BNC2: variants seen among roughly 807,000 people sequenced by gnomAD.
BNC2 encodes the protein basonuclin zinc finger protein 2, also known as zinc finger protein basonuclin-2.
A neutral mutation model predicts 76.3 loss-of-function variants in BNC2; 20 were observed. The observed-to-expected ratio is 0.26, with a 90% CI of 0.18 to 0.38. BNC2 has a LOEUF of 0.38. Ranked by LOEUF, BNC2 falls within the 10% of genes least tolerant of loss-of-function variation. The pLI, the probability that BNC2 is intolerant of heterozygous loss-of-function variation, is 1.00. For missense variants in BNC2, 1,382 were observed against 1,399.8 expected (o/e 0.99, Z 0.20); for synonymous variants, 582 against 514.8 (o/e 1.13, Z -1.77).
At chr9:16,728,720 A>C (rs533671207) in intron 2 of BNC2, among the ~76,000 whole-genome samples, 2 of 152,006 alleles carry the variant, frequency 1.3e-5, no homozygotes, top group Non-Finnish European at 2.9e-5. Context: ...TCTAAAGAGT[A>C]AGCAAATAAG....
chr9:16,821,474 T>C (rs1029862267), intron 1 of BNC2, among the ~76,000 whole-genome samples: 4 of 152,118 alleles, frequency 2.6e-5, no homozygotes, highest in Admixed American at 1.3e-4. Flanking sequence ...CCAGAAGCTA[T>C]TGGCTTCTTG....
intron 3 of BNC2, among the ~76,000 whole-genome samples, chr9:16,700,275 A>G (rs1008478982): frequency 1.3e-5 from 2 of 152,168 alleles, no homozygotes; most frequent in African/African-American, 4.8e-5. Flanking sequence ...GAGGCCAAAC[A>G]TGGTTGCTCA....
At chr9:16,709,250 G>A (rs1823765104) in intron 3 of BNC2, among the ~76,000 whole-genome samples, 1 of 152,174 alleles carries the variant, frequency 6.6e-6, no homozygotes, top group South Asian at 2.1e-4. Context: ...CAAAGAAAAG[G>A]CTTTCTCGGC....
chr9:16,774,853 C>G (rs1825920841), intron 1 of BNC2, among the ~76,000 whole-genome samples: 1 of 152,192 alleles, frequency 6.6e-6, no homozygotes, highest in Admixed American at 6.5e-5. Context: ...ATCTGCTGGC[C>G]TATCCCACAA....
At chr9:16,774,272 C>T (rs908078336) in intron 1 of BNC2, among the ~76,000 whole-genome samples, 1 of 152,182 alleles carries the variant, frequency 6.6e-6, no homozygotes, top group South Asian at 2.1e-4. Flanking sequence ...CGTGAGCCAC[C>T]GTGTCCGGCC....
intron 1 of BNC2, among the ~76,000 whole-genome samples, chr9:16,752,243 A>G (rs1825240293): frequency 6.6e-6 from 1 of 152,222 alleles, no homozygotes; most frequent in Admixed American, 6.5e-5. Context: ...GTGCTTGAAC[A>G]TAATAAACAA....
chr9:16,529,076 T>C (rs541216416), intron 5 of BNC2, among the ~76,000 whole-genome samples: 5 of 152,328 alleles, frequency 3.3e-5, no homozygotes, highest in Admixed American at 3.3e-4. Flanking sequence ...GCATATGTCT[T>C]CTGCTCTGTA....
At chr9:16,763,522 T>TTC (rs1487724053) in intron 1 of BNC2, among the ~76,000 whole-genome samples, 1 of 151,920 alleles carries the variant, frequency 6.6e-6, no homozygotes, top group African/African-American at 2.4e-5. Context: ...GTGAGCTGTG[T>TTC]TCACACCACT....
intron 1 of BNC2, chr9:16,868,047 C>T (rs1819585514): frequency 6.6e-6 from 1 of 152,186 alleles, no homozygotes; most frequent in African/African-American, 2.4e-5. Context: ...TAGCAGGGGA[C>T]TGCGGCTGCA....
chr9:16,579,909 T>G (rs1819584881), intron 4 of BNC2: 4 of 392,380 alleles, frequency 1.0e-5, no homozygotes, highest in Admixed American at 4.4e-5. Context: ...TATTAAAAAT[T>G]TTTTTATTGA....
chr9:16,708,307 T>G (rs1001475152), intron 3 of BNC2, among the ~76,000 whole-genome samples: 1 of 152,246 alleles, frequency 6.6e-6, no homozygotes, highest in African/African-American at 2.4e-5. Flanking sequence ...TAAGCTACGT[T>G]TTAATTTCTA....
chr9:16,425,723 A>C (rs1206549535), intron 6 of BNC2, among the ~76,000 whole-genome samples: 1 of 152,180 alleles, frequency 6.6e-6, no homozygotes, highest in African/African-American at 2.4e-5. Flanking sequence ...CGTTAGTGAG[A>C]ATTATTGGTT....
At chr9:16,468,101 C>T (rs1464034953) in intron 5 of BNC2, among the ~76,000 whole-genome samples, 3 of 145,512 alleles carry the variant, frequency 2.1e-5, no homozygotes, top group South Asian at 2.2e-4. Flanking sequence ...AGTGCAGTGG[C>T]ACCAACATGG....
chr9:16,735,407 A>AC (rs200275739), intron 2 of BNC2, among the ~76,000 whole-genome samples: 6 of 128,184 alleles, frequency 4.7e-5, no homozygotes, highest in Non-Finnish European at 4.6e-5. Context: ...AAAAAAAAAA[A>AC]AAAAAAAAAA....
At chr9:16,821,125 C>G (rs562769712) in intron 1 of BNC2, among the ~76,000 whole-genome samples, 3 of 151,376 alleles carry the variant, frequency 2.0e-5, no homozygotes, top group Non-Finnish European at 4.4e-5. Flanking sequence ...CCCAGCTACT[C>G]GGGAGGCTGA....
chr9:16,471,070 A>T (rs1436965411), intron 5 of BNC2, among the ~76,000 whole-genome samples: 2 of 152,182 alleles, frequency 1.3e-5, no homozygotes, highest in Non-Finnish European at 1.5e-5. Flanking sequence ...GAGCTGCCCA[A>T]GACCATGGGA....
intron 1 of BNC2, among the ~76,000 whole-genome samples, chr9:16,777,466 C>G (rs560248671): frequency 6.6e-6 from 1 of 152,010 alleles, no homozygotes; most frequent in South Asian, 2.1e-4. Context: ...TTTAGGAGGC[C>G]GAGGCAGGCA....
chr9:16,682,315 TA>T (rs1822848983), intron 3 of BNC2, among the ~76,000 whole-genome samples: 1 of 150,260 alleles, frequency 6.7e-6, no homozygotes, highest in African/African-American at 2.5e-5. Context: ...CATAGGAATT[TA>T]AATCCGTTCA....
At chr9:16,789,322 A>T (rs1169683955) in intron 1 of BNC2, among the ~76,000 whole-genome samples, 1 of 152,046 alleles carries the variant, frequency 6.6e-6, no homozygotes, top group East Asian at 1.9e-4. Flanking sequence ...TATATCAAAC[A>T]CACCAAACAA....
Sources: gnomAD v4.1 joint callset for allele counts (sites outside exome capture counted in the v4.1 genomes callset) on GRCh38, gnomAD v4.1.1 for gene constraint, MANE v1.5 for transcripts, NCBI Gene and HGNC (gene_info 2026-07-23, HGNC 2026-07-21) for gene names.